The following PTPRD variants were observed in gnomAD, a reference collection of about 807,000 sequenced individuals.
The protein encoded by PTPRD is receptor-type tyrosine-protein phosphatase delta.
PTPRD carries 34 observed loss-of-function variants against 214.5 expected under a neutral mutation model. The observed-to-expected ratio is 0.16, with a 90% CI of 0.12 to 0.21. The LOEUF (loss-of-function observed/expected upper bound fraction) is 0.21. Ranked by LOEUF, PTPRD falls within the 10% of genes least tolerant of loss-of-function variation. PTPRD has a pLI of 1.00. For synonymous variants in PTPRD, 1,128 were observed against 845.7 expected (o/e 1.33, Z -5.79); for missense variants, 2,545 against 2,398.7 (o/e 1.06, Z -1.27).
chr9:9,589,477 G>C (rs556192486), intron 7 of PTPRD, among the ~76,000 whole-genome samples: 1 of 152,022 alleles, frequency 6.6e-6, no homozygotes, highest in East Asian at 1.9e-4. Context: ...TGGTGTTTCT[G>C]ATTCCTCAGT....
intron 10 of PTPRD, among the ~76,000 whole-genome samples, chr9:9,104,057 T>A (rs1161271338): frequency 1.3e-5 from 2 of 152,166 alleles, no homozygotes; most frequent in African/African-American, 2.4e-5. Context: ...ATAAATTGAT[T>A]TTGATAATAC....
At chr9:8,916,530 T>C (rs1006619298) in intron 11 of PTPRD, among the ~76,000 whole-genome samples, 3 of 152,102 alleles carry the variant, frequency 2.0e-5, no homozygotes, top group African/African-American at 7.2e-5. Flanking sequence ...CTGGAGGTAG[T>C]GTGTAGAGAG....
Position 9,419,061 on chromosome 9 carries a change from C to T in PTPRD, c.-236-21579G>A, listed in dbSNP as rs541591440. On this transcript the variant is annotated intron_variant, in intron 8 of 45. Coordinates refer to ENST00000381196, the MANE Select transcript of PTPRD (RefSeq NM_002839.4). ...GAATGAGAACACACATATGAAGATG[C>T]TACAAGAGTATTCTATTGTACAACT... Among the ~76,000 whole-genome samples, 3 of 150,004 alleles carry T rather than the reference C, an allele frequency of 2.0e-5. No individual in the cohort carries two copies. The South Asian group carries it at 6.3e-4, about 32-fold the overall frequency.
intron 4 of PTPRD, among the ~76,000 whole-genome samples, chr9:9,986,142 C>A (rs1010012281): frequency 3.9e-5 from 6 of 152,100 alleles, no homozygotes; most frequent in South Asian, 2.1e-4. Flanking sequence ...GGAGAACAAG[C>A]CTTCTTTTAC....
chr9:8,962,323 C>A (rs936095058), intron 11 of PTPRD: 2 of 152,164 alleles, frequency 1.3e-5, no homozygotes, highest in African/African-American at 2.4e-5. Flanking sequence ...CTCTGAACAA[C>A]CCTGACAGAG....
At chr9:10,044,831 A>C (rs1002575289) in intron 3 of PTPRD, among the ~76,000 whole-genome samples, 1 of 151,710 alleles carries the variant, frequency 6.6e-6, no homozygotes, top group African/African-American at 2.4e-5. Context: ...GGAATAGACA[A>C]GACATGATTT....
chr9:8,780,023 G>A (rs2095632683), intron 11 of PTPRD, among the ~76,000 whole-genome samples: 1 of 150,866 alleles, frequency 6.6e-6, no homozygotes, highest in Admixed American at 6.6e-5. Flanking sequence ...TGAGGGAAAA[G>A]TTAAAGTGTC....
chr9:9,380,244 T>A (rs2061824617), intron 9 of PTPRD, among the ~76,000 whole-genome samples: 1 of 152,098 alleles, frequency 6.6e-6, no homozygotes, highest in Non-Finnish European at 1.5e-5. Context: ...TTTCACTGCA[T>A]CCCACACATT....
chr9:8,729,279 G>C (rs1371043500), intron 12 of PTPRD, among the ~76,000 whole-genome samples: 1 of 152,148 alleles, frequency 6.6e-6, no homozygotes, highest in Non-Finnish European at 1.5e-5. Flanking sequence ...GACTAAAGTA[G>C]ATATGCTTCA....
chr9:8,669,510 C>T (rs549327182), intron 12 of PTPRD, among the ~76,000 whole-genome samples: 1 of 151,924 alleles, frequency 6.6e-6, no homozygotes, highest in Non-Finnish European at 1.5e-5. Flanking sequence ...GGAGGAAGTC[C>T]CTAGTATTTT....
intron 11 of PTPRD, among the ~76,000 whole-genome samples, chr9:8,940,884 A>G (rs2099029874): frequency 6.6e-6 from 1 of 152,066 alleles, no homozygotes; most frequent in Non-Finnish European, 1.5e-5. Context: ...CATACCTTTC[A>G]GACTCATTTT....
chr9:8,690,207 T>A (rs1042836757), intron 12 of PTPRD, among the ~76,000 whole-genome samples: 1 of 152,064 alleles, frequency 6.6e-6, no homozygotes. Context: ...TTCACATATA[T>A]GACTTTACAT....
chr9:9,404,343 G>A (rs1587411465), intron 8 of PTPRD, among the ~76,000 whole-genome samples: 2 of 152,258 alleles, frequency 1.3e-5, no homozygotes, highest in East Asian at 3.9e-4. Context: ...AGAGCTGGTA[G>A]TGGTTTATAC....
chr9:9,267,946 C>T lies in PTPRD; in HGVS notation c.-202-84583G>A, dbSNP rs531528607. Reference sequence around the variant, plus strand: ...ATTTTCAGTGGTGAAAAGTTAAAAGCTTTTCCTCTAAAATCAGGAACAAGA... The same window carrying T: ...ATTTTCAGTGGTGAAAAGTTAAAAGTTTTTCCTCTAAAATCAGGAACAAGA... On this transcript the variant is annotated intron_variant, in intron 9 of 45. Coordinates refer to ENST00000381196, the MANE Select transcript of PTPRD (RefSeq NM_002839.4). Among the ~76,000 whole-genome samples the T allele has an allele frequency of 8.6e-5, 13 of 151,240 alleles. No homozygotes were observed. The East Asian group carries it at 2.6e-3, about 30-fold the overall frequency.
intron 11 of PTPRD, among the ~76,000 whole-genome samples, chr9:8,880,803 G>C (rs905441823): frequency 2.0e-5 from 3 of 151,898 alleles, no homozygotes; most frequent in Non-Finnish European, 4.4e-5. Context: ...TTTATTTCTT[G>C]AGACAGTGTC....
rs544075539 is a variant in PTPRD, at chr9:9,333,504, T to TTTTATATATATA, written c.-203+63944_-203+63945insTATATATATAAA. 4.9e-3 allele frequency among the ~76,000 whole-genome samples: 676 copies of TTTTATATATATA among 137,216 alleles called. 14 individuals are homozygous for TTTTATATATATA. The highest frequency in any genetic ancestry group is 0.019 in the African/African-American group (651 of 34,274). 90.0% of individuals were successfully genotyped at this position (137,216 alleles called of 152,430 possible). A position where few individuals can be genotyped will look rare whatever the true frequency, so the allele number is the denominator to read the frequency against. ...TAAAACATATATATTATATAGTATATTATATATATATATATATATATAAAG... is the reference window on the plus strand; with the variant it reads ...TAAAACATATATATTATATAGTATATTTTATATATATATATATATATATATATATATATAAAG... On this transcript the variant is annotated intron_variant, in intron 9 of 45. Transcript: ENST00000381196.
At position 9,995,304 on chromosome 9, in the gene PTPRD, T is replaced by C. The variant is rs568036256; in HGVS notation, c.-472+38414A>G. Among the ~76,000 whole-genome samples, 69 of 152,230 alleles carry C rather than the reference T, an allele frequency of 4.5e-4. No homozygotes were observed. The South Asian group carries it at 0.014, about 31-fold the overall frequency. On this transcript the variant is annotated intron_variant, in intron 4 of 45. Transcript: ENST00000381196. ...ATTCTGTCTTCCCAATATTTGCAGA[T>C]GGTGAAACTAAAAAGAGAACAATCA...
intron 3 of PTPRD, among the ~76,000 whole-genome samples, chr9:10,118,581 T>C (rs1014037324): frequency 1.3e-5 from 2 of 151,628 alleles, no homozygotes; most frequent in Non-Finnish European, 3.0e-5. Context: ...TTCAAAATCA[T>C]AAATGTGCAA....
intron 10 of PTPRD, among the ~76,000 whole-genome samples, chr9:9,125,339 T>C (rs995419777): frequency 6.6e-6 from 1 of 152,174 alleles, no homozygotes. Flanking sequence ...CCATTTCAAC[T>C]TGGTGTCAAG....
Sources: allele counts gnomAD v4.1 joint callset (sites outside exome capture counted in the v4.1 genomes callset), GRCh38; gene constraint gnomAD v4.1.1; transcripts MANE v1.5; gene names NCBI Gene and HGNC (gene_info 2026-07-23, HGNC 2026-07-21).